CIT: variants seen among roughly 807,000 people sequenced by gnomAD.
CIT encodes the protein citron rho-interacting serine/threonine kinase, also known as citron Rho-interacting kinase.
CIT carries 79 observed loss-of-function variants against 272.7 expected under a neutral mutation model. That is an observed-to-expected ratio of 0.29 (90% confidence interval 0.24 to 0.35). The LOEUF (loss-of-function observed/expected upper bound fraction) is 0.35, where lower values mean the gene tolerates loss of function less well. Ranked by LOEUF, CIT falls within the 10% of genes least tolerant of loss-of-function variation. The probability of loss-of-function intolerance (pLI) is 1.00; values close to 1 mark genes in which losing one functional copy is unlikely to be tolerated. For missense variants in CIT, 1,909 were observed against 2,618.3 expected, an observed-to-expected ratio of 0.73 and a Z score of 5.91; for synonymous variants, 948 against 995.6, an observed-to-expected ratio of 0.95 and a Z score of 0.90.
At chr12:119,721,274 C>A (rs1301082364) in intron 29 of CIT, 35 bp downstream of exon 29, 2 of 1,571,994 alleles carry the variant, frequency 1.3e-6, no homozygotes. Context: ...GCCGTGCAGA[C>A]CATTTTTAAG....
Position 119,714,352 on chromosome 12 carries a change from A to T in CIT, c.4169-18T>A, listed in dbSNP as rs1320000687. 1.9e-6 allele frequency: 3 copies of T among 1,613,672 alleles called. No homozygotes were observed. Among genetic ancestry groups the T allele is most frequent in the Non-Finnish European group, 2.5e-6 (3 of 1,179,672 alleles). ...ACTAAATTCTGGAGGAAAATGTTTTAAAAAATCATTAGAGTACTGCAAATG... is the reference window on the plus strand; with the variant it reads ...ACTAAATTCTGGAGGAAAATGTTTTTAAAAATCATTAGAGTACTGCAAATG... On this transcript the variant is annotated intron_variant, in intron 32 of 47. Transcript: ENST00000392521.
At chr12:119,688,539 T>C (rs1010379134) in intron 47 of CIT, among the ~76,000 whole-genome samples, 1 of 152,246 alleles carries the variant, frequency 6.6e-6, no homozygotes, top group Non-Finnish European at 1.5e-5. Flanking sequence ...TAAGAAGCCA[T>C]ATGGATGGTG....
At chr12:119,848,195 A>C (rs1375152922) in intron 5 of CIT, among the ~76,000 whole-genome samples, 7 of 152,204 alleles carry the variant, frequency 4.6e-5, no homozygotes, top group Non-Finnish European at 1.0e-4. Context: ...CTGCCAATAG[A>C]TTCATATGTG....
At position 119,690,378 on chromosome 12, in the gene CIT, C is replaced by T. The variant is rs1271694813; in HGVS notation, c.5959G>A (p.Glu1987Lys). The change falls in exon 47 of 48, where the codon GAA (glutamate) becomes AAA (lysine). Residue 1987 changes from glutamate to lysine, a missense_variant. By Grantham distance (56) the Glu-to-Lys change is moderately conservative. Transcript: ENST00000392521. This position sits in a 1 kb window ranked among gnomAD's most constrained non-coding sequence, Gnocchi z 6.0. ...KRVASSPAPP[E>K]GPSHPREPST... ...GGCTCTCGCGGGTGGCTGGGGCCTT[C>T]GGGCGGCGCTGGGCTGGAGGCCACG... 6.3e-7 allele frequency: 1 copy of T among 1,597,166 alleles called. No individual in the cohort carries two copies. The highest frequency in any genetic ancestry group is 8.5e-7 in the Non-Finnish European group (1 of 1,177,814).
intron 18 of CIT, 129 bp from the exon 19 acceptor site, chr12:119,767,311 A>G (rs551179679): frequency 3.1e-6 from 2 of 649,708 alleles, no homozygotes; most frequent in South Asian, 2.7e-5. Flanking sequence ...CTCCATTACT[A>G]GCCTAAGGCT....
chr12:119,745,826 C>CA (rs5801360), intron 23 of CIT, among the ~76,000 whole-genome samples: 126,122 of 151,992 alleles, frequency 0.83, 52,656 homozygotes, highest in Middle Eastern at 0.9. Context: ...CATAAAATAC[C>CA]AAAAATAGAT....
chr12:119,858,770 C>T (rs1176827347), intron 3 of CIT, among the ~76,000 whole-genome samples: 1 of 150,658 alleles, frequency 6.6e-6, no homozygotes, highest in Non-Finnish European at 1.5e-5. Context: ...TGCAGTGAGC[C>T]GAGATCACAC....
intron 47 of CIT, among the ~76,000 whole-genome samples, chr12:119,689,703 A>T (rs1955815427): frequency 9.0e-6 from 1 of 111,422 alleles, no homozygotes. Flanking sequence ...TTTAAGACAG[A>T]GTCTCGCTCT....
chr12:119,843,006 G>A lies in CIT; in HGVS notation c.516+7168C>T, dbSNP rs910571262. 4.6e-5 allele frequency among the ~76,000 whole-genome samples: 7 copies of A among 152,290 alleles called. No homozygotes were observed. The East Asian group carries it at 7.7e-4, about 17-fold the overall frequency. ...ATAAAGGAGAAGTACAGGGTGCAAT[G>A]AGCGTACAGTCAAAAGGCGCCATTC... On this transcript the variant is annotated intron_variant, in intron 5 of 47. Transcript: ENST00000392521.
At chr12:119,811,328 A>G (rs1277110106) in intron 9 of CIT, among the ~76,000 whole-genome samples, 1 of 152,204 alleles carries the variant, frequency 6.6e-6, no homozygotes, top group Non-Finnish European at 1.5e-5. Flanking sequence ...GGTAGTTCAA[A>G]AAGAAGACAA....
chr12:119,780,460 C>T (rs749739247), intron 13 of CIT, among the ~76,000 whole-genome samples: 1 of 151,792 alleles, frequency 6.6e-6, no homozygotes, highest in African/African-American at 2.4e-5. Context: ...CTACTAAAAA[C>T]ACAAAAATTA....
chr12:119,866,957 T>C (rs1229621509), intron 3 of CIT, among the ~76,000 whole-genome samples: 2 of 152,186 alleles, frequency 1.3e-5, no homozygotes, highest in African/African-American at 4.8e-5. Flanking sequence ...GACTTCTGAT[T>C]TGGAGACCAC....
chr12:119,859,832 A>G (rs1206188827), intron 3 of CIT, among the ~76,000 whole-genome samples: 1 of 151,968 alleles, frequency 6.6e-6, no homozygotes, highest in Non-Finnish European at 1.5e-5. Flanking sequence ...AAAAGAACAC[A>G]ATCTTGCTCT....
At position 119,701,854 on chromosome 12, in the gene CIT, G is replaced by T. The variant is rs779034565; in HGVS notation, c.5409C>A (p.Leu1803=). The change falls in exon 42 of 48, where the codon CTC becomes CTA. Residue 1803 remains leucine (L), a synonymous_variant. Transcript: ENST00000392521. ...GAAAGTGGAGGTGGGTCCTACCCTC[G>T]AGCGTGTACTGCTTCATGTCGATTT... ...FYEIDMKQYT[L]EEFLDKNDHS... 1.2e-5 allele frequency: 19 copies of T among 1,613,830 alleles called. No individual in the cohort carries two copies. The highest frequency in any genetic ancestry group is 1.1e-4 in the African/African-American group (8 of 74,916).
intron 26 of CIT, 64 bp downstream of exon 26, chr12:119,734,100 C>T (rs1958623780): frequency 4.5e-6 from 7 of 1,538,648 alleles, no homozygotes; most frequent in Non-Finnish European, 6.2e-6. Flanking sequence ...ACCCTGTCCA[C>T]AACTCTCAGG....
chr12:119,825,274 T>A lies in CIT; in HGVS notation c.848A>T (p.Asp283Val). 1 of 1,614,138 alleles carries A rather than the reference T, an allele frequency of 6.2e-7. No homozygotes were observed. The highest frequency in any genetic ancestry group is 8.5e-7 in the Non-Finnish European group (1 of 1,180,026). The change falls in exon 8 of 48, where the codon GAC (aspartate) becomes GTC (valine). Residue 283 changes from aspartate to valine, a missense_variant. Transcript: ENST00000392521. ...NGDGKGTYGL[D>V]CDWWSVGVIA... ...CACGCCCACTGACCACCAGTCACAG[T>A]CCAGGCCGTAGGTGCCTTTTCCATC...
At chr12:119,861,785 G>A (rs910991095) in intron 3 of CIT, among the ~76,000 whole-genome samples, 1 of 152,156 alleles carries the variant, frequency 6.6e-6, no homozygotes, top group Non-Finnish European at 1.5e-5. Flanking sequence ...CAAAAAAGAT[G>A]CATACAAAGA....
At position 119,701,872 on chromosome 12, in the gene CIT, G is replaced by A; in HGVS notation, c.5391C>T (p.Asp1797=). ...TACCCTCGAGCGTGTACTGCTTCATGTCGATTTCGTAGAATTTATTGGTTC... is the reference window on the plus strand; with the variant it reads ...TACCCTCGAGCGTGTACTGCTTCATATCGATTTCGTAGAATTTATTGGTTC... The part of the protein sequence containing the change: ...LIGTNKFYEI[D]MKQYTLEEFL... Residue 1797 remains aspartate, a synonymous_variant, in exon 42 of 48, where the codon GAC becomes GAT. Transcript: ENST00000392521. The A allele has an allele frequency of 6.2e-7, 1 of 1,614,094 alleles. No homozygotes were observed.
chr12:119,701,512 C>T (rs376259259), intron 43 of CIT, 112 bp downstream of exon 43: 3 of 1,229,474 alleles, frequency 2.4e-6, no homozygotes, highest in Non-Finnish European at 3.4e-6. Context: ...ATTCTCTGTA[C>T]CCCTAGTCAA....
Sources: allele counts gnomAD v4.1 joint callset (sites outside exome capture counted in the v4.1 genomes callset), GRCh38; gene constraint gnomAD v4.1.1; non-coding constraint Gnocchi (gnomAD v3.1); transcripts MANE v1.5; gene names NCBI Gene and HGNC (gene_info 2026-07-23, HGNC 2026-07-21).